Variants in BCAS3 observed in about 807,000 individuals in gnomAD.
BCAS3 encodes the protein BCAS3 microtubule associated cell migration factor, also known as BCAS4/BCAS3 fusion.
In BCAS3, 53 loss-of-function variants were observed where a neutral mutation model predicts 116.1. The observed-to-expected ratio is 0.46, with a 90% CI of 0.37 to 0.57. The LOEUF (loss-of-function observed/expected upper bound fraction) is 0.57, where lower values mean the gene tolerates loss of function less well. BCAS3 is among the 20% of genes least tolerant of loss of function. The pLI, the probability that BCAS3 is intolerant of heterozygous loss-of-function variation, is 0.00. For missense variants in BCAS3, 917 were observed against 1,165.4 expected (o/e 0.79, Z 3.10); for synonymous variants, 391 against 408.2 (o/e 0.96, Z 0.51).
intron 2 of BCAS3, among the ~76,000 whole-genome samples, chr17:60,680,216 A>G (rs1264595341): frequency 6.6e-6 from 1 of 152,010 alleles, no homozygotes; most frequent in African/African-American, 2.4e-5. Context: ...GTATTGTTTC[A>G]TGACATGCAC....
At chr17:60,740,498 CAAAAAAA>C (rs774901641) in intron 5 of BCAS3, among the ~76,000 whole-genome samples, 9 of 58,340 alleles carry the variant, frequency 1.5e-4, no homozygotes, top group East Asian at 5.2e-4. Flanking sequence ...GACCCTGTCT[CAAAAAAA>C]AAAAAAAAAA....
intron 8 of BCAS3, among the ~76,000 whole-genome samples, chr17:60,869,296 A>T (rs1321714583): frequency 1.3e-5 from 2 of 152,248 alleles, no homozygotes; most frequent in East Asian, 3.8e-4. Context: ...AAGGAACCTT[A>T]GGAATCTTCT....
intron 22 of BCAS3, among the ~76,000 whole-genome samples, chr17:61,299,396 T>C (rs1376067081): frequency 7.3e-6 from 1 of 137,500 alleles, no homozygotes; most frequent in South Asian, 2.2e-4. Flanking sequence ...TGAGCTGAGG[T>C]TGCACCATTG....
At chr17:60,703,770 C>T (rs1365930140) in intron 4 of BCAS3, among the ~76,000 whole-genome samples, 1 of 151,088 alleles carries the variant, frequency 6.6e-6, no homozygotes, top group African/African-American at 2.4e-5. Context: ...AAAAATTAGC[C>T]GGGCGCGGTG....
In BCAS3 at chr17:61,388,871, C is replaced by T. The variant is rs992335217; in HGVS notation, c.2594-3106C>T. ...GTCTGAGAGGAGGCGTGGAGAAAAG[C>T]GCCCACAAAGCTGCCCCGGGGCCAG... On this transcript the variant is annotated intron_variant, in intron 23 of 23. Coordinates refer to ENST00000407086, the MANE Select transcript of BCAS3 (RefSeq NM_017679.5). This position sits in a 1 kb window ranked among gnomAD's most constrained non-coding sequence, Gnocchi z 6.5. 26 of 693,620 alleles carry T rather than the reference C, an allele frequency of 3.7e-5. No homozygotes were observed. The highest frequency in any genetic ancestry group is 2.7e-4 in the African/African-American group (15 of 55,436). The allele number at this position is 693,620 out of a possible 1,614,324, so 43.0% of individuals were successfully genotyped here.
At chr17:61,006,492 G>C (rs2145496986) in intron 15 of BCAS3, among the ~76,000 whole-genome samples, 1 of 152,138 alleles carries the variant, frequency 6.6e-6, no homozygotes, top group East Asian at 1.9e-4. Context: ...TCCATCTACA[G>C]TAAAGCATTT....
At chr17:61,109,385 A>G (rs532817933) in intron 22 of BCAS3, among the ~76,000 whole-genome samples, 5 of 151,796 alleles carry the variant, frequency 3.3e-5, no homozygotes, top group African/African-American at 9.7e-5. Flanking sequence ...TGTTTTTGCA[A>G]TCGCAAATTG....
At chr17:61,109,886 G>A (rs2074942278) in intron 22 of BCAS3, among the ~76,000 whole-genome samples, 1 of 152,158 alleles carries the variant, frequency 6.6e-6, no homozygotes, top group South Asian at 2.1e-4. Context: ...CCCACTCTGT[G>A]GGTTGTATGT....
At chr17:60,985,009 CAAA>C (rs762586066) in intron 14 of BCAS3, among the ~76,000 whole-genome samples, 5,936 of 49,946 alleles carry the variant, frequency 0.12, 222 homozygotes, top group African/African-American at 0.26. Context: ...GACTCCATCT[CAAA>C]AAAAAAAAAA....
intron 6 of BCAS3, among the ~76,000 whole-genome samples, chr17:60,762,766 T>C (rs150641037): frequency 0.27 from 41,560 of 152,004 alleles, 11,367 homozygotes; most frequent in African/African-American, 0.71. Flanking sequence ...GGGGATGGCA[T>C]TGAATCTGTA....
chr17:61,193,757 CAAAAAAAAA>C (rs59810014), intron 22 of BCAS3, among the ~76,000 whole-genome samples: 75 of 52,326 alleles, frequency 1.4e-3, no homozygotes, highest in African/African-American at 4.6e-3. Flanking sequence ...AACTCCATCT[CAAAAAAAAA>C]AAAAAAAAAA....
chr17:60,829,053 G>A (rs1436715233), intron 7 of BCAS3, among the ~76,000 whole-genome samples: 2 of 152,028 alleles, frequency 1.3e-5, no homozygotes, highest in African/African-American at 2.4e-5. Flanking sequence ...ATAGGGTCAA[G>A]TTTGAGAAAC....
chr17:60,902,538 A>G, intron 10 of BCAS3, 82 bp from the exon 11 acceptor site: 1 of 1,157,578 alleles, frequency 8.6e-7, no homozygotes, highest in Non-Finnish European at 1.3e-6. Context: ...GTTCACGGAA[A>G]ATAAGCTCTA....
chr17:61,292,053 GACAGGAGGC>G (rs1245230789), intron 22 of BCAS3, among the ~76,000 whole-genome samples: 1 of 152,174 alleles, frequency 6.6e-6, no homozygotes, highest in East Asian at 1.9e-4. Flanking sequence ...AGAGTGGGGC[GACAGGAGGC>G]AGCTGCCAGC....
chr17:61,080,272 C>T (rs2072462469), intron 21 of BCAS3, among the ~76,000 whole-genome samples: 1 of 152,144 alleles, frequency 6.6e-6, no homozygotes, highest in South Asian at 2.1e-4. Context: ...CTTGAAATCT[C>T]TCCTTTCACA....
chr17:60,693,767 TCAA>T (rs2035192789), intron 4 of BCAS3, among the ~76,000 whole-genome samples: 1 of 151,742 alleles, frequency 6.6e-6, no homozygotes, highest in Admixed American at 6.6e-5. Flanking sequence ...GATTTCATGT[TCAA>T]CAGGCCCTTT....
chr17:60,714,461 T>G (rs1370526661), intron 5 of BCAS3, among the ~76,000 whole-genome samples: 1 of 152,094 alleles, frequency 6.6e-6, no homozygotes, highest in African/African-American at 2.4e-5. Flanking sequence ...GTCAAGAGTT[T>G]GAGACCATCC....
intron 22 of BCAS3, among the ~76,000 whole-genome samples, chr17:61,236,284 T>C (rs914101636): frequency 6.6e-6 from 1 of 152,200 alleles, no homozygotes; most frequent in Non-Finnish European, 1.5e-5. Context: ...TTAGATCTTA[T>C]GTTGGAGATA....
At chr17:61,005,013 C>T (rs147228150) in intron 15 of BCAS3, among the ~76,000 whole-genome samples, 2 of 152,198 alleles carry the variant, frequency 1.3e-5, no homozygotes, top group East Asian at 3.9e-4. Flanking sequence ...TGACAGTACT[C>T]ATAAATGAAT....
Sources: allele counts gnomAD v4.1 joint callset (sites outside exome capture counted in the v4.1 genomes callset), GRCh38; gene constraint gnomAD v4.1.1; non-coding constraint Gnocchi (gnomAD v3.1); transcripts MANE v1.5; gene names NCBI Gene and HGNC (gene_info 2026-07-23, HGNC 2026-07-21).